Variants in PPP1R12A observed in about 807,000 individuals in gnomAD.
PPP1R12A encodes the protein myosin binding subunit.
A neutral mutation model predicts 139.6 loss-of-function variants in PPP1R12A; 19 were observed. The ratio of observed to expected loss-of-function variants is 0.14; its 90% CI spans 0.09 to 0.20. PPP1R12A has a LOEUF of 0.20. Among genes scored for constraint, PPP1R12A ranks in the 10% least tolerant of loss-of-function variants. PPP1R12A has a pLI of 1.00. For missense variants in PPP1R12A, 925 were observed against 1,211.5 expected, an observed-to-expected ratio of 0.76 and a Z score of 3.51; for synonymous variants, 427 against 420.6, an observed-to-expected ratio of 1.02 and a Z score of -0.19.
intron 1 of PPP1R12A, among the ~76,000 whole-genome samples, chr12:79,929,569 G>C (rs549859465): frequency 2.0e-5 from 3 of 151,894 alleles, no homozygotes; most frequent in Non-Finnish European, 4.4e-5. Flanking sequence ...AGTTCGAAAT[G>C]AGCCTGGCCA....
At chr12:79,812,068 A>G (rs1874606403) in intron 9 of PPP1R12A, among the ~76,000 whole-genome samples, 1 of 152,198 alleles carries the variant, frequency 6.6e-6, no homozygotes, top group East Asian at 1.9e-4. Flanking sequence ...TAATTACCCA[A>G]TGAAATACTA....
chr12:79,785,941 C>G (rs1002646527), intron 22 of PPP1R12A, among the ~76,000 whole-genome samples: 2 of 152,108 alleles, frequency 1.3e-5, no homozygotes, highest in African/African-American at 4.8e-5. Context: ...ATAGAAGGAA[C>G]TTACAAAAGG....
At chr12:79,868,425 T>C (rs1882218894) in intron 2 of PPP1R12A, among the ~76,000 whole-genome samples, 1 of 152,186 alleles carries the variant, frequency 6.6e-6, no homozygotes, top group African/African-American at 2.4e-5. Flanking sequence ...TTATATTAGT[T>C]TGCTAGGACT....
chr12:79,801,260 G>A (rs946843332), intron 14 of PPP1R12A, among the ~76,000 whole-genome samples: 1 of 140,228 alleles, frequency 7.1e-6, no homozygotes, highest in African/African-American at 2.7e-5. Context: ...CAGGAGAACT[G>A]CTTGAACCTG....
intron 17 of PPP1R12A, 78 bp downstream of exon 17, chr12:79,796,704 T>G: frequency 2.5e-6 from 3 of 1,209,950 alleles, no homozygotes; most frequent in Non-Finnish European, 2.3e-6. Context: ...CCTTTACTGT[T>G]GAATTATTAT....
rs778422310 is a variant in PPP1R12A at position 79,793,902 on chromosome 12, T to C, written c.2610A>G (p.Gln870=). ...TATTGGATCCCTCTTCTGTGTCTGA[T>C]TGTTGTTCTTGTTCATTTTCATCAC... ...QDSDENEQEQ[Q]SDTEEGSNKK... is the part of the protein sequence containing the mutation. Residue 870 remains glutamine (Q), a synonymous_variant, in exon 19 of 25, where the codon CAA becomes CAG. Coordinates refer to ENST00000450142, the MANE Select transcript of PPP1R12A (RefSeq NM_002480.3). The C allele has an allele frequency of 2.6e-5, 42 of 1,593,974 alleles. No individual in the cohort carries two copies. The highest frequency in any genetic ancestry group is 8.6e-5 in the Admixed American group (5 of 58,000).
At chr12:79,881,971 T>A (rs1272852105) in intron 1 of PPP1R12A, among the ~76,000 whole-genome samples, 1 of 152,192 alleles carries the variant, frequency 6.6e-6, no homozygotes, top group Admixed American at 6.5e-5. Context: ...CATGGTTTAC[T>A]AAGTATTTTA....
rs1320591223 is a variant in PPP1R12A, at chr12:79,793,911, T to G, written c.2601A>C (p.Gln867His). ...FWTQDSDENE[Q>H]EQQSDTEEGS... ...CCTCTTCTGTGTCTGATTGTTGTTC[T>G]TGTTCATTTTCATCACTCTAAAAAC... Residue 867 changes from glutamine to histidine, a missense_variant, in exon 19 of 25, where the codon CAA becomes CAC. Gln to His is a conservative substitution (Grantham distance 24). Coordinates refer to ENST00000450142, the MANE Select transcript of PPP1R12A (RefSeq NM_002480.3). 2 of 1,592,694 alleles carry G rather than the reference T, an allele frequency of 1.3e-6. No individual in the cohort carries two copies. The highest frequency in any genetic ancestry group is 8.5e-7 in the Non-Finnish European group (1 of 1,171,326).
rs561446270 is a variant in PPP1R12A at position 79,931,458 on chromosome 12, G to A, written c.237+3237C>T. Reference sequence around the variant, plus strand: ...GGAAGTCACTGGCACAGAGGAAAAAGAAAAGATTTTAAGGCTAAAATCAAC... The same window carrying A: ...GGAAGTCACTGGCACAGAGGAAAAAAAAAAGATTTTAAGGCTAAAATCAAC... On this transcript the variant is annotated intron_variant, in intron 1 of 24. Transcript: ENST00000450142. 3.5e-3 allele frequency among the ~76,000 whole-genome samples: 529 copies of A among 152,178 alleles called. 12 individuals carry two copies. The highest frequency in any genetic ancestry group is 1.4e-3 in the Non-Finnish European group (98 of 67,988).
In PPP1R12A at chr12:79,905,284, A is replaced by T. The variant is rs867014621; in HGVS notation, c.237+29411T>A. Among the ~76,000 whole-genome samples, 35 of 151,742 alleles carry T rather than the reference A, an allele frequency of 2.3e-4. 1 individual carries two copies. Among genetic ancestry groups the T allele is most frequent in the South Asian group, 1.7e-3 (8 of 4,794 alleles). The stretch of plus-strand genomic sequence containing the variant: ...TAACAACAAATTAATTTAGAGCGTG[A>T]ACCACATAAAGAAAAGTTGTTCAAA... On this transcript the variant is annotated intron_variant, in intron 1 of 24. Coordinates refer to ENST00000450142, the MANE Select transcript of PPP1R12A (RefSeq NM_002480.3).
intron 1 of PPP1R12A, among the ~76,000 whole-genome samples, chr12:79,886,718 C>T (rs1168604937): frequency 6.6e-6 from 1 of 151,986 alleles, no homozygotes; most frequent in African/African-American, 2.4e-5. Context: ...ACAAAAAACC[C>T]ACAAAAGTTT....
Position 79,845,534 on chromosome 12 carries a change from A to C in PPP1R12A, c.369-114T>G, listed in dbSNP as rs1418631622. The C allele has an allele frequency of 7.0e-6, 5 of 711,464 alleles. No individual in the cohort carries two copies. In the East Asian group the frequency reaches 1.4e-4, roughly 20 times the overall value. The allele number at this position is 711,464 out of a possible 1,614,324, so 44.1% of individuals were successfully genotyped here. On this transcript the variant is annotated intron_variant, in intron 2 of 24. Coordinates refer to ENST00000450142, the MANE Select transcript of PPP1R12A (RefSeq NM_002480.3). ...AAAGCAGCAATAAAGGGCAGTATATACATTATTTAAATTTTAAAAAACTAT... is the reference window on the plus strand; with the variant it reads ...AAAGCAGCAATAAAGGGCAGTATATCCATTATTTAAATTTTAAAAAACTAT...
intron 3 of PPP1R12A, among the ~76,000 whole-genome samples, chr12:79,838,426 T>C (rs1446265492): frequency 3.3e-5 from 5 of 152,234 alleles, no homozygotes; most frequent in Non-Finnish European, 7.3e-5. Context: ...GAAATTTGCA[T>C]AAGTAACGAG....
chr12:79,845,760 C>T (rs1020340620), intron 2 of PPP1R12A, among the ~76,000 whole-genome samples: 2 of 151,858 alleles, frequency 1.3e-5, no homozygotes, highest in East Asian at 1.9e-4. Context: ...GGCAAGAACC[C>T]GGGAGGTGGA....
chr12:79,809,293 C>G (rs1164418037), intron 10 of PPP1R12A, among the ~76,000 whole-genome samples: 7 of 152,114 alleles, frequency 4.6e-5, no homozygotes, highest in Admixed American at 4.6e-4. Flanking sequence ...ATTGAATAAA[C>G]TGTGGTACAT....
rs776705688 is a variant in PPP1R12A at position 79,821,118 on chromosome 12, C to G, written c.916G>C (p.Ala306Pro). The change falls in exon 7 of 25, where the codon GCA (alanine) becomes CCA (proline). Residue 306 changes from alanine (A) to proline (P), a missense_variant. Physicochemically the swap from Ala to Pro is conservative, Grantham distance 27. Transcript: ENST00000450142. ...DKKSPLIESTANMDNNQSQKT... is the reference protein window; with the variant it reads ...DKKSPLIESTPNMDNNQSQKT... ...TGTGACTGATTATTGTCCATATTTG[C>G]TGTTGATTCAATTAGTGGAGATTTC... 1 of 1,613,176 alleles carries G rather than the reference C, an allele frequency of 6.2e-7. No individual in the cohort carries two copies. Among genetic ancestry groups the G allele is most frequent in the Admixed American group, 1.7e-5 (1 of 59,998 alleles).
At chr12:79,780,098 G>A (rs1461934030) in intron 23 of PPP1R12A, 2 of 152,130 alleles carry the variant, frequency 1.3e-5, no homozygotes, top group Non-Finnish European at 2.9e-5. Context: ...CAGCTATTCT[G>A]GAGGCTGATG....
At chr12:79,819,306 G>A (rs1875800706) in intron 8 of PPP1R12A, 1 of 152,162 alleles carries the variant, frequency 6.6e-6, no homozygotes, top group Non-Finnish European at 1.5e-5. Context: ...CCAAAAGATA[G>A]CAGAAGATTT....
At chr12:79,891,167 T>C (rs1327199728) in intron 1 of PPP1R12A, among the ~76,000 whole-genome samples, 3 of 152,124 alleles carry the variant, frequency 2.0e-5, no homozygotes, top group African/African-American at 7.2e-5. Flanking sequence ...TATTCAGATA[T>C]GTTTTTAAAA....
Sources: allele counts gnomAD v4.1 joint callset (sites outside exome capture counted in the v4.1 genomes callset), GRCh38; gene constraint gnomAD v4.1.1; transcripts MANE v1.5; gene names NCBI Gene and HGNC (gene_info 2026-07-23, HGNC 2026-07-21).